VPS13B: variants seen among roughly 807,000 people sequenced by gnomAD.
VPS13B encodes the protein intermembrane lipid transfer protein VPS13B.
A neutral mutation model predicts 426.4 loss-of-function variants in VPS13B; 285 were observed. The observed-to-expected ratio is 0.67, with a 90% confidence interval of 0.61 to 0.74. VPS13B has a LOEUF of 0.74. Ranked by LOEUF, VPS13B falls within the 30% of genes least tolerant of loss-of-function variation. VPS13B has a pLI of 0.00. For missense variants in VPS13B, 4,537 were observed against 4,782.6 expected, an observed-to-expected ratio of 0.95 and a Z score of 1.51; for synonymous variants, 1,676 against 1,676.4, an observed-to-expected ratio of 1.00 and a Z score of 0.01.
intron 19 of VPS13B, among the ~76,000 whole-genome samples, chr8:99,345,668 T>G (rs1486130510): frequency 6.6e-6 from 1 of 152,228 alleles, no homozygotes; most frequent in Non-Finnish European, 1.5e-5. Flanking sequence ...AGCTTCTTAT[T>G]TTCCCTACAT....
At chr8:99,856,660 G>A (rs1486253417) in intron 56 of VPS13B, among the ~76,000 whole-genome samples, 1 of 152,190 alleles carries the variant, frequency 6.6e-6, no homozygotes, top group African/African-American at 2.4e-5. Context: ...GGGCAACATG[G>A]TGAAACCCTG....
chr8:99,289,761 A>T (rs1228577445), intron 19 of VPS13B, among the ~76,000 whole-genome samples: 1 of 152,042 alleles, frequency 6.6e-6, no homozygotes, highest in Non-Finnish European at 1.5e-5. Context: ...GGCAATATTA[A>T]AGTAAGTTGC....
At chr8:99,546,406 T>A (rs1389752799) in intron 30 of VPS13B, among the ~76,000 whole-genome samples, 1 of 152,064 alleles carries the variant, frequency 6.6e-6, no homozygotes, top group Admixed American at 6.6e-5. Flanking sequence ...TTACATTTTA[T>A]TTTGAAGGCT....
chr8:99,067,826 G>A (rs1719597625), intron 3 of VPS13B, among the ~76,000 whole-genome samples: 1 of 151,954 alleles, frequency 6.6e-6, no homozygotes, highest in Non-Finnish European at 1.5e-5. Context: ...GTGCTTTACC[G>A]CAAATTTATC....
intron 22 of VPS13B, among the ~76,000 whole-genome samples, chr8:99,438,762 G>T (rs952116960): frequency 3.3e-5 from 5 of 152,078 alleles, no homozygotes; most frequent in Admixed American, 3.3e-4. Flanking sequence ...ACTGTGATTT[G>T]GGTGATAGTT....
intron 5 of VPS13B, among the ~76,000 whole-genome samples, chr8:99,106,108 A>G (rs868612506): frequency 8.5e-5 from 13 of 152,070 alleles, no homozygotes; most frequent in African/African-American, 2.9e-4. Flanking sequence ...ATTGAAGCAT[A>G]ACATGCAAGA....
chr8:99,550,732 GT>G (rs879426729), intron 30 of VPS13B, among the ~76,000 whole-genome samples: 2 of 151,920 alleles, frequency 1.3e-5, no homozygotes, highest in Non-Finnish European at 2.9e-5. Flanking sequence ...ATCCTACAAT[GT>G]TTAATGCATA....
chr8:99,220,730 ACAT>A (rs1437444446), intron 17 of VPS13B, among the ~76,000 whole-genome samples: 1 of 151,744 alleles, frequency 6.6e-6, no homozygotes, highest in Non-Finnish European at 1.5e-5. Flanking sequence ...GATTGATTCT[ACAT>A]CAGAAGATTC....
intron 6 of VPS13B, among the ~76,000 whole-genome samples, chr8:99,111,511 TTA>T (rs1218184968): frequency 6.6e-6 from 1 of 152,066 alleles, no homozygotes; most frequent in Non-Finnish European, 1.5e-5. Flanking sequence ...TTGTTTTTTT[TTA>T]GTTTTTCCAG....
chr8:99,664,110 G>A (rs1830354614), intron 35 of VPS13B, among the ~76,000 whole-genome samples: 1 of 151,046 alleles, frequency 6.6e-6, no homozygotes, highest in Non-Finnish European at 1.5e-5. Context: ...AGGTTCAAGC[G>A]ATTCTCCTGC....
chr8:99,057,156 T>C lies in VPS13B; in HGVS notation c.291+18590T>C, dbSNP rs898446257. Among the ~76,000 whole-genome samples, 4 of 152,062 alleles carry C rather than the reference T, an allele frequency of 2.6e-5. No homozygotes were observed. In the East Asian group the frequency reaches 5.8e-4, roughly 22 times the overall value. The stretch of plus-strand genomic sequence containing the variant: ...TTCCTCCATAAATAATAATACCACC[T>C]ACATAGACAATAATATCACCCACAA... On this transcript the variant is annotated intron_variant, in intron 3 of 61. Coordinates refer to ENST00000357162, the MANE Select transcript of VPS13B (RefSeq NM_152564.5).
chr8:99,675,196 C>G (rs1441445549), intron 35 of VPS13B, among the ~76,000 whole-genome samples: 1 of 151,994 alleles, frequency 6.6e-6, no homozygotes, highest in Non-Finnish European at 1.5e-5. Flanking sequence ...GGCAGCTTTG[C>G]TAGATACAGT....
At chr8:99,311,290 T>C (rs1010981110) in intron 19 of VPS13B, among the ~76,000 whole-genome samples, 8 of 152,232 alleles carry the variant, frequency 5.3e-5, no homozygotes, top group African/African-American at 1.7e-4. Context: ...CTTTCCTGCT[T>C]TCTCTTGTGG....
intron 15 of VPS13B, among the ~76,000 whole-genome samples, chr8:99,157,198 A>G (rs1228414212): frequency 2.0e-5 from 3 of 151,880 alleles, no homozygotes; most frequent in African/African-American, 7.2e-5. Context: ...TTTATTTTAA[A>G]TACAGGCATA....
Position 99,121,433 on chromosome 8 carries a change from G to A in VPS13B, c.1194G>A (p.Thr398=), listed in dbSNP as rs1847927710. ...VSIGFYCTKA[T]VTFKLTEMQV... ...TAGGATTTTATTGCACAAAGGCAAC[G>A]GTGACTTTCAAAGTAGGTCTTTTCT... The change falls in exon 8 of 62, where the codon ACG becomes ACA. Residue 398 remains threonine, a synonymous_variant. Transcript: ENST00000357162. 2.5e-6 allele frequency: 4 copies of A among 1,614,100 alleles called. No individual in the cohort carries two copies. The highest frequency in any genetic ancestry group is 2.2e-5 in the East Asian group (1 of 44,874).
At chr8:99,202,665 G>C (rs968903608) in intron 17 of VPS13B, among the ~76,000 whole-genome samples, 2 of 152,008 alleles carry the variant, frequency 1.3e-5, no homozygotes, top group Admixed American at 6.6e-5. Context: ...CCAAACAACA[G>C]AAAAAGAGGG....
Position 99,720,516 on chromosome 8 carries a change from C to G in VPS13B, c.6829C>G (p.Leu2277Val). 6.2e-7 allele frequency: 1 copy of G among 1,613,984 alleles called. No homozygotes were observed. Among genetic ancestry groups the G allele is most frequent in the Non-Finnish European group, 8.5e-7 (1 of 1,179,918 alleles). Residue 2277 changes from leucine (L) to valine (V), a missense_variant, in exon 38 of 62, where the codon CTA (leucine) becomes GTA (valine). Leu to Val is a conservative substitution (Grantham distance 32). Transcript: ENST00000357162. The part of the protein sequence containing the change: ...TFKSEQSSDD[L>V]RTGLFQYVQD... ...TAAAAGTGAACAAAGTTCAGATGAC[C>G]TACGGACAGGTCTATTTCAGTATGT...
intron 19 of VPS13B, among the ~76,000 whole-genome samples, chr8:99,367,232 A>G (rs1563691029): frequency 6.6e-6 from 1 of 152,036 alleles, no homozygotes; most frequent in Non-Finnish European, 1.5e-5. Flanking sequence ...GTAAGTCTTT[A>G]TTTCTCCTTC....
At position 99,875,776 on chromosome 8, in the gene VPS13B, A is replaced by G. The variant is rs1817671410; in HGVS notation, c.*110A>G. On this transcript the variant is annotated 3_prime_UTR_variant, in exon 62 of 62. Coordinates refer to ENST00000357162, the MANE Select transcript of VPS13B (RefSeq NM_152564.5). Reference sequence around the variant, plus strand: ...GACCTCAAATTCTGGGGTTCAAGCAATCCTCCCACCTCAACCCACAAGTAG... The same window carrying G: ...GACCTCAAATTCTGGGGTTCAAGCAGTCCTCCCACCTCAACCCACAAGTAG... The G allele has an allele frequency of 1.4e-6, 2 of 1,422,674 alleles. No homozygotes were observed. The highest frequency in any genetic ancestry group is 1.9e-6 in the Non-Finnish European group (2 of 1,026,690). 88.1% of individuals were successfully genotyped at this position (1,422,674 alleles called of 1,614,324 possible). A position where few individuals can be genotyped will look rare whatever the true frequency, so the allele number is the denominator to read the frequency against.
Sources: allele counts gnomAD v4.1 joint callset (sites outside exome capture counted in the v4.1 genomes callset), GRCh38; gene constraint gnomAD v4.1.1; transcripts MANE v1.5; gene names NCBI Gene and HGNC (gene_info 2026-07-23, HGNC 2026-07-21).